TMEM272: variants seen among roughly 807,000 people sequenced by gnomAD.
TMEM272 encodes long intergenic non-protein coding RNA 282.
A neutral mutation model predicts 3.7 loss-of-function variants in TMEM272; 8 were observed. That is an observed-to-expected ratio of 2.17 (90% CI 1.27 to 3.91). The LOEUF is 3.91. Ranked by LOEUF, TMEM272 falls within the 30% of genes most tolerant of loss-of-function variation. The pLI, the probability that TMEM272 is intolerant of heterozygous loss-of-function variation, is 0.00. For missense variants in TMEM272, 166 were observed against 91.5 expected, an observed-to-expected ratio of 1.81 and a Z score of -3.32; for synonymous variants, 63 against 39.8, an observed-to-expected ratio of 1.58 and a Z score of -2.20.
chr13:51,900,689 CA>C, the TMEM272 span, among the ~76,000 whole-genome samples: 15 of 147,712 alleles, frequency 1.0e-4, no homozygotes, highest in Admixed American at 6.7e-4. Flanking sequence ...TCATAGTAGC[CA>C]AAAAAAAATG....
rs900017169 is a variant in TMEM272 at position 51,822,070 on chromosome 13, G to A, written c.186C>T (p.Ile62=). 6.1e-5 allele frequency: 43 copies of A among 702,378 alleles called. No individual in the cohort carries two copies. Among genetic ancestry groups the A allele is most frequent in the South Asian group, 4.4e-5 (3 of 67,600 alleles). The allele number at this position is 702,378 out of a possible 1,614,324, so 43.5% of individuals were successfully genotyped here. A position where few individuals can be genotyped will look rare whatever the true frequency, so the allele number is the denominator to read the frequency against. ...GATACTTTACCTTTAAGGTACCGAC[G>A]ATGCCACCCACTAGCAAATATAAAG... ...LIPLYLLVGG[I]VGTLKVSLLL... Residue 62 remains isoleucine, a synonymous_variant, in exon 4 of 5, where the codon ATC becomes ATT. Transcript: ENST00000629372.
At chr13:51,817,386 G>A (rs1355153339) in intron 4 of TMEM272, among the ~76,000 whole-genome samples, 1 of 152,180 alleles carries the variant, frequency 6.6e-6, no homozygotes, top group East Asian at 1.9e-4. Flanking sequence ...TGTGTGAGTT[G>A]GTTTGGACAA....
the TMEM272 span, among the ~76,000 whole-genome samples, chr13:51,855,241 A>G: frequency 1.3e-5 from 2 of 152,210 alleles, no homozygotes; most frequent in Non-Finnish European, 2.9e-5. Context: ...GAAAGGGTCA[A>G]CTAAAGAAGC....
the TMEM272 span, chr13:51,866,025 C>T: frequency 5.6e-6 from 9 of 1,608,716 alleles, no homozygotes; most frequent in Non-Finnish European, 6.8e-6. Flanking sequence ...GAAGATGGGC[C>T]CCACAACGCC....
the TMEM272 span, among the ~76,000 whole-genome samples, chr13:51,918,466 GA>G: frequency 6.6e-6 from 1 of 152,174 alleles, no homozygotes; most frequent in Non-Finnish European, 1.5e-5. Flanking sequence ...GAAAAAGAAA[GA>G]AAAGGAGGAA....
At chr13:51,888,226 A>G in the TMEM272 span, among the ~76,000 whole-genome samples, 1 of 151,978 alleles carries the variant, frequency 6.6e-6, no homozygotes, top group African/African-American at 2.4e-5. Flanking sequence ...TTGTATTTTT[A>G]GTAGTGACGG....
Position 51,817,104 on chromosome 13 carries a change from G to C in TMEM272, c.211C>G (p.Leu71Val), listed in dbSNP as rs1246660098. The C allele has an allele frequency of 2.0e-5, 14 of 701,570 alleles. No individual in the cohort carries two copies. Among genetic ancestry groups the C allele is most frequent in the Non-Finnish European group, 3.4e-5 (13 of 383,884 alleles). The allele number at this position is 701,570 out of a possible 1,614,324, so 43.5% of individuals were successfully genotyped here. Reference sequence around the variant, plus strand: ...CTCATCCTGGTGGAGTCGTACAACAGGAGAGACACCTGGGGCGTGGTGGGG... The same window carrying C: ...CTCATCCTGGTGGAGTCGTACAACACGAGAGACACCTGGGGCGTGGTGGGG... The part of the protein sequence containing the change: ...GIVGTLKVSL[L>V]LYDSTRMRRL... Residue 71 changes from leucine (L) to valine (V), a missense_variant, in exon 5 of 5, where the codon CTG becomes GTG. Coordinates refer to ENST00000629372, the MANE Select transcript of TMEM272 (RefSeq NM_001351003.2).
the TMEM272 span, chr13:51,910,029 T>A: frequency 6.8e-7 from 1 of 1,459,956 alleles, no homozygotes; most frequent in Non-Finnish European, 9.6e-7. Context: ...TTCATTCATT[T>A]GAAATCCCTT....
the TMEM272 span, among the ~76,000 whole-genome samples, chr13:51,860,752 TACAC>T: frequency 2.2e-5 from 1 of 44,508 alleles, no homozygotes; most frequent in African/African-American, 5.2e-5. Context: ...TATATATATA[TACAC>T]ACACACACAC....
intron 1 of TMEM272, among the ~76,000 whole-genome samples, chr13:51,841,458 CAGAAACTAACG>C (rs767327940): frequency 9.2e-5 from 14 of 152,304 alleles, no homozygotes; most frequent in Non-Finnish European, 1.8e-4. Context: ...AGCAGCTTTG[CAGAAACTAACG>C]AGATGGGTCT....
At chr13:51,875,422 C>T in the TMEM272 span, among the ~76,000 whole-genome samples, 2 of 152,144 alleles carry the variant, frequency 1.3e-5, no homozygotes, top group Non-Finnish European at 2.9e-5. Context: ...ATGGACATAC[C>T]TGCTTCTTTA....
the TMEM272 span, among the ~76,000 whole-genome samples, chr13:51,856,376 T>C: frequency 6.6e-6 from 1 of 152,242 alleles, no homozygotes; most frequent in African/African-American, 2.4e-5. Context: ...TACCTACATT[T>C]TATCAGAACT....
At chr13:51,873,767 C>A in the TMEM272 span, among the ~76,000 whole-genome samples, 1 of 152,196 alleles carries the variant, frequency 6.6e-6, no homozygotes, top group Non-Finnish European at 1.5e-5. Context: ...ACCTCGCGAT[C>A]CTTCTAGGGT....
rs1051667919 is a variant in TMEM272 at position 51,814,660 on chromosome 13, A to G, written c.*2091T>C. Reference sequence around the variant, plus strand: ...AGATTTTAGCAATTATTTAGGACCTATGACCAGTATTCTCCATTGCAACTG... The same window carrying G: ...AGATTTTAGCAATTATTTAGGACCTGTGACCAGTATTCTCCATTGCAACTG... On this transcript the variant is annotated 3_prime_UTR_variant, in exon 5 of 5. Transcript: ENST00000629372. 1 of 152,252 alleles carries G rather than the reference A, an allele frequency of 6.6e-6. No homozygotes were observed. The highest frequency in any genetic ancestry group is 2.4e-5 in the African/African-American group (1 of 41,470). 9.4% of individuals were successfully genotyped at this position (152,252 alleles called of 1,614,324 possible). A position where few individuals can be genotyped will look rare whatever the true frequency, so the allele number is the denominator to read the frequency against.
the TMEM272 span, among the ~76,000 whole-genome samples, chr13:51,899,369 T>C: frequency 2.0e-5 from 3 of 152,130 alleles, no homozygotes; most frequent in African/African-American, 7.2e-5. Flanking sequence ...AAAACAGTAA[T>C]AAAAGCCAGA....
At chr13:51,854,274 T>A in the TMEM272 span, among the ~76,000 whole-genome samples, 2 of 152,224 alleles carry the variant, frequency 1.3e-5, no homozygotes, top group Non-Finnish European at 2.9e-5. Context: ...CTTTATGAAC[T>A]GTGAATCACT....
At chr13:51,824,093 G>C (rs1349897717) in intron 3 of TMEM272, among the ~76,000 whole-genome samples, 2 of 152,218 alleles carry the variant, frequency 1.3e-5, no homozygotes, top group East Asian at 3.8e-4. Context: ...TAATGGCTTA[G>C]ATATCTGCTC....
the TMEM272 span, chr13:51,865,527 C>T: frequency 1.2e-6 from 2 of 1,614,172 alleles, no homozygotes; most frequent in Non-Finnish European, 1.7e-6. Flanking sequence ...GAGGAAAAGG[C>T]TTTTCGCGAA....
the TMEM272 span, chr13:51,908,529 C>A: frequency 6.9e-7 from 1 of 1,455,044 alleles, no homozygotes; most frequent in African/African-American, 1.4e-5. Flanking sequence ...AAACAATGGA[C>A]CTCTGATTGA....
Sources: gnomAD v4.1 joint callset for allele counts (sites outside exome capture counted in the v4.1 genomes callset) on GRCh38, gnomAD v4.1.1 for gene constraint, MANE v1.5 for transcripts, NCBI Gene and HGNC (gene_info 2026-07-23, HGNC 2026-07-21) for gene names.